COL13A1: variants seen among roughly 807,000 people sequenced by gnomAD.
COL13A1 encodes the protein collagen alpha-1(XIII) chain.
In COL13A1, 89 loss-of-function variants were observed where a neutral mutation model predicts 130.9. The observed-to-expected ratio is 0.68, with a 90% CI of 0.57 to 0.81. The LOEUF (loss-of-function observed/expected upper bound fraction) is 0.81. COL13A1 is among the 30% of genes least tolerant of loss of function. COL13A1 has a pLI of 0.00. For synonymous variants in COL13A1, 402 were observed against 341.6 expected (o/e 1.18, Z -1.95); for missense variants, 879 against 934.6 (o/e 0.94, Z 0.78).
intron 1 of COL13A1, among the ~76,000 whole-genome samples, chr10:69,808,865 C>T (rs1017009412): frequency 2.0e-5 from 3 of 152,252 alleles, no homozygotes; most frequent in African/African-American, 7.2e-5. Context: ...GCAATAGGCT[C>T]AGCATTTGCT....
chr10:69,845,317 C>T (rs1417375393), intron 2 of COL13A1, among the ~76,000 whole-genome samples: 1 of 151,888 alleles, frequency 6.6e-6, no homozygotes, highest in Admixed American at 6.6e-5. Context: ...CTCAGCCTCC[C>T]AAGTAACTGG....
intron 33 of COL13A1, 125 bp from the exon 34 acceptor site, chr10:69,937,510 A>T (rs1023786621): frequency 3.3e-6 from 2 of 614,412 alleles, no homozygotes; most frequent in Non-Finnish European, 5.9e-6. Context: ...TGGTATCCTC[A>T]GCCTGCCACC....
chr10:69,838,290 G>T (rs1414888473), intron 2 of COL13A1, among the ~76,000 whole-genome samples: 1 of 152,222 alleles, frequency 6.6e-6, no homozygotes. Flanking sequence ...TTCTTCTAGG[G>T]TCACCCAGCC....
intron 7 of COL13A1, among the ~76,000 whole-genome samples, chr10:69,884,822 A>G (rs762030955): frequency 1.3e-5 from 2 of 152,246 alleles, no homozygotes; most frequent in African/African-American, 2.4e-5. Context: ...AAACAGGACA[A>G]TCTAAGTAAA....
intron 1 of COL13A1, among the ~76,000 whole-genome samples, chr10:69,805,606 G>A (rs1841349488): frequency 6.6e-6 from 1 of 152,224 alleles, no homozygotes; most frequent in East Asian, 1.9e-4. Context: ...CTGCAGCTAG[G>A]GACTATGGAG....
At chr10:69,939,420 G>A (rs2067336557) in intron 34 of COL13A1, among the ~76,000 whole-genome samples, 1 of 152,190 alleles carries the variant, frequency 6.6e-6, no homozygotes, top group Non-Finnish European at 1.5e-5. Context: ...TATGTCAGTG[G>A]CCCACATATG....
In COL13A1 at chr10:69,869,033, GGGGCAGGATGCTGCAGCCTCCTGCA is replaced by G. The variant is rs1564896859; in HGVS notation, c.372+1229_372+1253del. Among the ~76,000 whole-genome samples, 262 of 152,174 alleles carry G rather than the reference GGGGCAGGATGCTGCAGCCTCCTGCA, an allele frequency of 1.7e-3. 3 individuals carry two copies. Among genetic ancestry groups the G allele is most frequent in the African/African-American group, 6.1e-3 (253 of 41,512 alleles). ...GCCTCCTGCACACACCTCACCCCCA[GGGGCAGGATGCTGCAGCCTCCTGCA>G]CACACCTCACCCCCAGGGCCAGGAT... On this transcript the variant is annotated intron_variant, in intron 3 of 40. Coordinates refer to ENST00000645393, the MANE Select transcript of COL13A1 (RefSeq NM_001368882.1).
intron 24 of COL13A1, 28 bp downstream of exon 24, chr10:69,923,883 G>T (rs2065008176): frequency 6.2e-7 from 1 of 1,606,538 alleles, no homozygotes; most frequent in South Asian, 1.1e-5. Context: ...TCCCAGAGCT[G>T]CAAGATGAGG....
At chr10:69,880,814 T>G (rs2060062525) in intron 7 of COL13A1, among the ~76,000 whole-genome samples, 1 of 152,228 alleles carries the variant, frequency 6.6e-6, no homozygotes, top group African/African-American at 2.4e-5. Context: ...CTACAGCAGC[T>G]GCAAGGCGGC....
intron 2 of COL13A1, among the ~76,000 whole-genome samples, chr10:69,844,503 T>A (rs535271007): frequency 9.9e-5 from 15 of 152,194 alleles, no homozygotes; most frequent in Admixed American, 2.0e-4. Context: ...GTGCCTCAGT[T>A]TCCCACCTGT....
chr10:69,839,855 C>A (rs1244833134), intron 2 of COL13A1, among the ~76,000 whole-genome samples: 1 of 152,154 alleles, frequency 6.6e-6, no homozygotes, highest in African/African-American at 2.4e-5. Flanking sequence ...TGACTCTGGC[C>A]TGTGGTATTT....
At chr10:69,804,809 C>CAAAAAAAAAAAAAAAAAAA (rs57098368) in intron 1 of COL13A1, among the ~76,000 whole-genome samples, 28 of 75,392 alleles carry the variant, frequency 3.7e-4, no homozygotes, top group South Asian at 5.5e-4. Context: ...ATGTCGTGTG[C>CAAAAAAAAAAAAAAAAAAA]AAAAAAAAAA....
chr10:69,867,648 T>C (rs2058654792), intron 2 of COL13A1, 150 bp from the exon 3 acceptor site: 1 of 613,800 alleles, frequency 1.6e-6, no homozygotes, highest in East Asian at 2.9e-5. Context: ...AGAGATTATA[T>C]TGGTGAAAGT....
At chr10:69,947,475 A>C (rs2068730774) in intron 38 of COL13A1, 133 bp downstream of exon 38, 3 of 836,518 alleles carry the variant, frequency 3.6e-6, no homozygotes, top group Non-Finnish European at 5.6e-6. Context: ...GAAAGGCTTT[A>C]CAAGGAGGGC....
At chr10:69,851,919 T>C (rs2763347) in intron 2 of COL13A1, among the ~76,000 whole-genome samples, 115,480 of 152,126 alleles carry the variant, frequency 0.76, 44,360 homozygotes, top group East Asian at 0.93. Flanking sequence ...CCTCCCAAAG[T>C]GCTGGGATTA....
intron 1 of COL13A1, among the ~76,000 whole-genome samples, chr10:69,812,945 C>G (rs1472465090): frequency 6.6e-6 from 1 of 152,214 alleles, no homozygotes; most frequent in Non-Finnish European, 1.5e-5. Flanking sequence ...CCGGCTGGCT[C>G]TCAGCTCCTT....
At chr10:69,878,448 C>G (rs3858157) in intron 6 of COL13A1, among the ~76,000 whole-genome samples, 1 of 152,114 alleles carries the variant, frequency 6.6e-6, no homozygotes, top group Admixed American at 6.5e-5. Flanking sequence ...GGAACATCAG[C>G]CCTGGGGGGT....
At chr10:69,805,472 G>A (rs1229711256) in intron 1 of COL13A1, among the ~76,000 whole-genome samples, 3 of 152,086 alleles carry the variant, frequency 2.0e-5, no homozygotes, top group Admixed American at 1.3e-4. Flanking sequence ...CCTAGGGTTG[G>A]GCTGTCCAAT....
chr10:69,933,720 T>C (rs1449597135), intron 31 of COL13A1, among the ~76,000 whole-genome samples: 3 of 152,166 alleles, frequency 2.0e-5, no homozygotes, highest in Non-Finnish European at 4.4e-5. Flanking sequence ...TATACGCACA[T>C]TGTCCCTCCA....
Sources: gnomAD v4.1 joint callset for allele counts (sites outside exome capture counted in the v4.1 genomes callset) on GRCh38, gnomAD v4.1.1 for gene constraint, MANE v1.5 for transcripts, NCBI Gene and HGNC (gene_info 2026-07-23, HGNC 2026-07-21) for gene names.